The following STON1 variants were observed in gnomAD, a reference collection of about 807,000 sequenced individuals.
The protein encoded by STON1 is stonin-1.
Under a neutral mutation model 60.9 loss-of-function variants are expected in STON1, and 79 were observed. The observed-to-expected ratio is 1.30, with a 90% CI of 1.08 to 1.56. STON1 has a LOEUF of 1.56. STON1 is among the 40% of genes most tolerant of loss of function. STON1 has a pLI of 0.00. For synonymous variants in STON1, 363 were observed against 306.9 expected, an observed-to-expected ratio of 1.18 and a Z score of -1.91; for missense variants, 1,166 against 858.9, an observed-to-expected ratio of 1.36 and a Z score of -4.47.
intron 1 of STON1, among the ~76,000 whole-genome samples, chr2:48,564,512 T>C (rs1313091383): frequency 1.3e-4 from 4 of 30,530 alleles, no homozygotes; most frequent in African/African-American, 4.2e-4. Context: ...TTCTTCTTCT[T>C]CTTCTTCTTC....
intron 1 of STON1, among the ~76,000 whole-genome samples, chr2:48,543,297 C>T (rs528754024): frequency 6.6e-6 from 1 of 151,952 alleles, no homozygotes; most frequent in African/African-American, 2.4e-5. Context: ...TTTTGGTAAT[C>T]AATTTAGATT....
At chr2:48,550,219 T>C (rs1294643471) in intron 1 of STON1, among the ~76,000 whole-genome samples, 1 of 152,010 alleles carries the variant, frequency 6.6e-6, no homozygotes, top group African/African-American at 2.4e-5. Flanking sequence ...ATTTATATAC[T>C]GGGCGCGGTG....
intron 1 of STON1, among the ~76,000 whole-genome samples, chr2:48,552,806 A>G (rs1672157996): frequency 6.6e-6 from 1 of 152,166 alleles, no homozygotes; most frequent in South Asian, 2.1e-4. Context: ...ATAAAAGTGT[A>G]CACTTACAAA....
chr2:48,593,774 G>A (rs577801154), intron 3 of STON1, among the ~76,000 whole-genome samples: 3 of 152,276 alleles, frequency 2.0e-5, no homozygotes, highest in African/African-American at 7.2e-5. Flanking sequence ...AGTAATGTGA[G>A]TCAGGATTTT....
chr2:48,542,867 G>T (rs1461651766), intron 1 of STON1, among the ~76,000 whole-genome samples: 7 of 151,202 alleles, frequency 4.6e-5, no homozygotes, highest in Non-Finnish European at 8.8e-5. Context: ...TTGCACCAAG[G>T]CACTCCCGCC....
chr2:48,571,623 C>T (rs1467066403), intron 1 of STON1, among the ~76,000 whole-genome samples: 2 of 152,192 alleles, frequency 1.3e-5, no homozygotes, highest in Non-Finnish European at 1.5e-5. Context: ...ATCTAAACTT[C>T]TCTTAGCCTT....
rs35265092 is a variant in STON1 at position 48,597,511 on chromosome 2, G to A, written c.*2209G>A. 34,526 of 152,060 alleles carry A rather than the reference G, an allele frequency of 0.23. 4,599 individuals carry two copies. The highest frequency in any genetic ancestry group is 0.3 in the Middle Eastern group (88 of 292). The allele number at this position is 152,060 out of a possible 1,614,324, so 9.4% of individuals were successfully genotyped here. ...ATATATTCAGCAAAGGGTTCACTTA[G>A]TTGCCCCTCATGCTTCACAGGTTGA... On this transcript the variant is annotated 3_prime_UTR_variant, in exon 4 of 4. Transcript: ENST00000404752.
intron 1 of STON1, among the ~76,000 whole-genome samples, chr2:48,570,088 G>A (rs916667241): frequency 4.6e-5 from 7 of 152,138 alleles, no homozygotes; most frequent in East Asian, 1.9e-4. Context: ...TAATCCCAGC[G>A]CATTGGGAGG....
intron 1 of STON1, among the ~76,000 whole-genome samples, chr2:48,536,009 C>G (rs1314414274): frequency 6.6e-6 from 1 of 152,212 alleles, no homozygotes; most frequent in African/African-American, 2.4e-5. Context: ...ATCACTTGAG[C>G]TGGGGAGGCA....
Position 48,572,315 on chromosome 2 carries a change from G to A in STON1, c.-47-8272G>A, listed in dbSNP as rs115652737. Among the ~76,000 whole-genome samples the A allele has an allele frequency of 4.0e-3, 604 of 152,260 alleles. 6 individuals carry two copies. The highest frequency in any genetic ancestry group is 0.014 in the African/African-American group (580 of 41,570). On this transcript the variant is annotated intron_variant, in intron 1 of 3. Coordinates refer to ENST00000404752, the MANE Select transcript of STON1 (RefSeq NM_006873.4). ...TTAAACTTCCAGGACAAAGGTTTGG[G>A]TTCCTATTGGGCACCATATGAAGTT...
intron 2 of STON1, among the ~76,000 whole-genome samples, chr2:48,590,209 A>G (rs1342261775): frequency 6.6e-6 from 1 of 152,192 alleles, no homozygotes; most frequent in Non-Finnish European, 1.5e-5. Context: ...CAGGTTGTTA[A>G]GAGCACCTCA....
rs1186995646 is a variant in STON1 at position 48,554,725 on chromosome 2, TATTTA to T, written c.-48+24510_-48+24514del. 6.9e-3 allele frequency among the ~76,000 whole-genome samples: 615 copies of T among 89,750 alleles called. 79 individuals are homozygous for T. The highest frequency in any genetic ancestry group is 0.017 in the Middle Eastern group (3 of 178). The allele number at this position is 89,750 out of a possible 152,430, so 58.9% of individuals were successfully genotyped here. A position where few individuals can be genotyped will look rare whatever the true frequency, so the allele number is the denominator to read the frequency against. On this transcript the variant is annotated intron_variant, in intron 1 of 3. Coordinates refer to ENST00000404752, the MANE Select transcript of STON1 (RefSeq NM_006873.4). ...GTGCAAAATTTTTTTTTTTTTTTTT[TATTTA>T]TTTATTTATTTTTTTATTGATAATT... is the stretch of plus-strand genomic sequence containing the variant.
chr2:48,569,723 T>C (rs1317495502), intron 1 of STON1, among the ~76,000 whole-genome samples: 2 of 152,206 alleles, frequency 1.3e-5, no homozygotes, highest in Admixed American at 1.3e-4. Flanking sequence ...GTGCTTCTTA[T>C]TTATAGGGCT....
In STON1 at chr2:48,581,229, A is replaced by T; in HGVS notation, c.596A>T (p.Asp199Val). 6.6e-7 allele frequency: 1 copy of T among 1,519,304 alleles called. No homozygotes were observed. The highest frequency in any genetic ancestry group is 1.3e-5 in the South Asian group (1 of 74,464). The allele number at this position is 1,519,304 out of a possible 1,614,324, so 94.1% of individuals were successfully genotyped here. A position where few individuals can be genotyped will look rare whatever the true frequency, so the allele number is the denominator to read the frequency against. The part of the protein sequence containing the change: ...DEGSDSHFTL[D>V]PPGSKKMFSS... ...GGCAGTGATTCCCATTTCACCCTTG[A>T]CCCACCAGGAAGCAAAAAGATGTTC... The change falls in exon 2 of 4, where the codon GAC (aspartate) becomes GTC (valine). Residue 199 changes from aspartate (D) to valine (V), a missense_variant. Transcript: ENST00000404752.
At chr2:48,570,165 T>C (rs1041193661) in intron 1 of STON1, among the ~76,000 whole-genome samples, 3 of 152,048 alleles carry the variant, frequency 2.0e-5, no homozygotes, top group African/African-American at 7.2e-5. Flanking sequence ...CGAAACCCCA[T>C]CTCTACTAAA....
At chr2:48,535,006 T>C (rs1403087208) in intron 1 of STON1, among the ~76,000 whole-genome samples, 3 of 152,130 alleles carry the variant, frequency 2.0e-5, no homozygotes, top group African/African-American at 7.2e-5. Context: ...GAATTCCAGG[T>C]ACCTTATGGG....
At chr2:48,566,397 ATCT>A (rs1407868448) in intron 1 of STON1, among the ~76,000 whole-genome samples, 1 of 151,468 alleles carries the variant, frequency 6.6e-6, no homozygotes, top group African/African-American at 2.4e-5. Flanking sequence ...GCTGGTCTCG[ATCT>A]TCTGACGTCA....
At chr2:48,537,625 G>A (rs1436473122) in intron 1 of STON1, among the ~76,000 whole-genome samples, 1 of 152,068 alleles carries the variant, frequency 6.6e-6, no homozygotes, top group East Asian at 1.9e-4. Context: ...GAGGCGAGCT[G>A]ATCAACTGAG....
At chr2:48,565,562 T>G (rs6545048) in intron 1 of STON1, among the ~76,000 whole-genome samples, 96,999 of 151,950 alleles carry the variant, frequency 0.64, 31,394 homozygotes, top group Non-Finnish European at 0.67. Flanking sequence ...GGAATTATAT[T>G]ATCAGATCCC....
Sources: gnomAD v4.1 joint callset for allele counts (sites outside exome capture counted in the v4.1 genomes callset) on GRCh38, gnomAD v4.1.1 for gene constraint, MANE v1.5 for transcripts, NCBI Gene and HGNC (gene_info 2026-07-23, HGNC 2026-07-21) for gene names.